The following SULT1A2 variants were observed in gnomAD, a reference collection of about 807,000 sequenced individuals.
The protein encoded by SULT1A2 is sulfotransferase 1A2.
SULT1A2 carries 33 observed loss-of-function variants against 36.0 expected under a neutral mutation model. The ratio of observed to expected loss-of-function variants is 0.92; its 90% CI spans 0.69 to 1.22. The LOEUF (loss-of-function observed/expected upper bound fraction) is 1.22, where lower values mean the gene tolerates loss of function less well. SULT1A2 is among the 50% of genes most tolerant of loss of function. The pLI is 0.00. For synonymous variants in SULT1A2, 138 were observed against 144.5 expected, an observed-to-expected ratio of 0.96 and a Z score of 0.32; for missense variants, 367 against 383.2, an observed-to-expected ratio of 0.96 and a Z score of 0.35.
rs199684636 is a variant in SULT1A2, at chr16:28,593,387, G to A, written c.500-41C>T. 4.5e-5 allele frequency: 72 copies of A among 1,614,094 alleles called. No individual in the cohort carries two copies. The Admixed American group carries it at 1.0e-3, about 23-fold the overall frequency. ...GGGAGTGCCGACACAGGGTTGCTGT[G>A]CGTTGTAGCCACCACCCCTTAGCTC... is the stretch of plus-strand genomic sequence containing the variant. On this transcript the variant is annotated intron_variant, in intron 5 of 7. Coordinates refer to ENST00000335715, the MANE Select transcript of SULT1A2 (RefSeq NM_001054.4).
chr16:28,594,222 C>T (rs964133319), intron 4 of SULT1A2, among the ~76,000 whole-genome samples: 4 of 151,630 alleles, frequency 2.6e-5, no homozygotes, highest in Non-Finnish European at 5.9e-5. Flanking sequence ...CTCACTGCAA[C>T]GTTGACCTCC....
chr16:28,594,446 T>A (rs1264018831), intron 4 of SULT1A2, among the ~76,000 whole-genome samples: 3 of 152,114 alleles, frequency 2.0e-5, no homozygotes, highest in African/African-American at 7.2e-5. Context: ...TGGCAAACCT[T>A]TTAAAATATT....
At position 28,595,087 on chromosome 16, in the gene SULT1A2, CTCTT is replaced by C. The variant is rs560478080; in HGVS notation, c.372+276_372+279del. On this transcript the variant is annotated intron_variant, in intron 4 of 7. Coordinates refer to ENST00000335715, the MANE Select transcript of SULT1A2 (RefSeq NM_001054.4). Reference sequence around the variant, plus strand: ...TGTGAGCCACCGCACTGGTGGGACACTCTTTCTATTCATCGTTTTTTGAGACAGT... The same window carrying C: ...TGTGAGCCACCGCACTGGTGGGACACTCTATTCATCGTTTTTTGAGACAGT... Among the ~76,000 whole-genome samples the C allele has an allele frequency of 1.7e-3, 258 of 152,108 alleles. 5 individuals carry two copies. In the South Asian group the frequency reaches 0.029, roughly 17 times the overall value.
In SULT1A2 at chr16:28,596,994, CA is replaced by C; in HGVS notation, c.-5+2del. 1.6e-6 allele frequency: 2 copies of C among 1,273,990 alleles called. No individual in the cohort carries two copies. Among genetic ancestry groups the C allele is most frequent in the South Asian group, 2.5e-5 (2 of 79,250 alleles). 78.9% of individuals were successfully genotyped at this position (1,273,990 alleles called of 1,614,324 possible). A position where few individuals can be genotyped will look rare whatever the true frequency, so the allele number is the denominator to read the frequency against. Reference sequence around the variant, plus strand: ...TCCTGGGCCATTCCGGTGTGTCACTCACCTGAGCTCTTGGGAACCTGGCCTT... The same window carrying C: ...TCCTGGGCCATTCCGGTGTGTCACTCCCTGAGCTCTTGGGAACCTGGCCTT... On this transcript the variant is annotated splice_donor_variant, in intron 1 of 7. Transcript: ENST00000335715. LOFTEE classifies it low-confidence loss of function (5UTR_SPLICE).
intron 1 of SULT1A2, chr16:28,596,417 C>T: frequency 1.0e-6 from 1 of 972,034 alleles, no homozygotes; most frequent in African/African-American, 1.8e-5. Flanking sequence ...TGTGGCAACT[C>T]CTAGGCTGGC....
chr16:28,593,599 C>A (rs762612105), intron 4 of SULT1A2, 31 bp from the exon 5 acceptor site: 4 of 1,613,202 alleles, frequency 2.5e-6, no homozygotes, highest in Non-Finnish European at 2.5e-6. Flanking sequence ...ACCCCAGCAC[C>A]ATCACCACAC....
At position 28,595,434 on chromosome 16, in the gene SULT1A2, G is replaced by A. The variant is rs765803761; in HGVS notation, c.305C>T (p.Pro102Leu). Reference protein sequence around the residue: ...GMETLKNTPAPRLLKTHLPLA... With the variant: ...GMETLKNTPALRLLKTHLPLA... ...GGGCAGGTGTGTCTTCAGGAGTCGT[G>A]GGGCTGGTGTGTTTTTCAGAGTCTC... is the stretch of plus-strand genomic sequence containing the variant. Residue 102 changes from proline to leucine, a missense_variant, in exon 4 of 8, where the codon CCA becomes CTA. Physicochemically the swap from Pro to Leu is moderately conservative, Grantham distance 98 (BLOSUM62 -3). Transcript: ENST00000335715. 1 of 1,614,052 alleles carries A rather than the reference G, an allele frequency of 6.2e-7. No individual in the cohort carries two copies. Among genetic ancestry groups the A allele is most frequent in the South Asian group, 1.1e-5 (1 of 91,072 alleles).
rs150564961 is a variant in SULT1A2, at chr16:28,592,570, C to T, written c.595-127G>A. Reference sequence around the variant, plus strand: ...TTCAAAACCCATAGAGCCAGCTCCTCGACCCCTGGGACCCCAGTCCCTGGG... The same window carrying T: ...TTCAAAACCCATAGAGCCAGCTCCTTGACCCCTGGGACCCCAGTCCCTGGG... On this transcript the variant is annotated intron_variant, in intron 6 of 7. Coordinates refer to ENST00000335715, the MANE Select transcript of SULT1A2 (RefSeq NM_001054.4). 2.4e-3 allele frequency: 3,713 copies of T among 1,539,998 alleles called. 70 individuals are homozygous for T. The African/African-American group carries it at 0.041, about 17-fold the overall frequency.
intron 2 of SULT1A2, 28 bp from the exon 3 acceptor site, chr16:28,595,703 G>C: frequency 6.2e-7 from 1 of 1,613,562 alleles, no homozygotes; most frequent in Non-Finnish European, 8.5e-7. Context: ...TGGGAGGTGA[G>C]CAGGCTGAGG....
intron 1 of SULT1A2, 139 bp from the exon 2 acceptor site, chr16:28,596,073 C>A: frequency 6.5e-7 from 1 of 1,544,036 alleles, no homozygotes; most frequent in Non-Finnish European, 8.7e-7. Context: ...CAGTCAGTGG[C>A]GGGGCTGGGG....
chr16:28,596,892 C>A, intron 1 of SULT1A2, 105 bp downstream of exon 1: 2 of 796,454 alleles, frequency 2.5e-6, no homozygotes, highest in Non-Finnish European at 1.7e-6. Context: ...AATGGGATAT[C>A]CATGGGGAGA....
chr16:28,594,807 T>G (rs2151664694), intron 4 of SULT1A2, among the ~76,000 whole-genome samples: 1 of 106,158 alleles, frequency 9.4e-6, no homozygotes, highest in African/African-American at 3.6e-5. Flanking sequence ...TGAGACAGAG[T>G]TTTGCTCTTG....
rs8052446 is a variant in SULT1A2 at position 28,596,359 on chromosome 16, G to C, written c.-4-425C>G. ...TGGGACCCCCAGCCTCCACCCAGTAGGCTCCTCTCCCCGATGTTCCCCTCC... is the reference window on the plus strand; with the variant it reads ...TGGGACCCCCAGCCTCCACCCAGTACGCTCCTCTCCCCGATGTTCCCCTCC... On this transcript the variant is annotated intron_variant, in intron 1 of 7. Coordinates refer to ENST00000335715, the MANE Select transcript of SULT1A2 (RefSeq NM_001054.4). 1.4e-3 allele frequency: 1,563 copies of C among 1,129,030 alleles called. 7 individuals carry two copies. The African/African-American group carries it at 0.015, about 11-fold the overall frequency. The allele number at this position is 1,129,030 out of a possible 1,614,324, so 69.9% of individuals were successfully genotyped here.
At position 28,593,272 on chromosome 16, in the gene SULT1A2, AGAG is replaced by A. The variant is rs777355250; in HGVS notation, c.571_573del (p.Leu191del). On this transcript the variant is annotated inframe_deletion, in exon 6 of 8. Transcript: ENST00000335715. ...CTCACCTCCTTCATGTCTTCATAGA[AGAG>A]GTAGAGAACAGGGTGGGTGCGGCTC... is the stretch of plus-strand genomic sequence containing the variant. The A allele has an allele frequency of 6.2e-7, 1 of 1,613,950 alleles. No homozygotes were observed.
At chr16:28,592,223 C>A (rs748335521) in intron 7 of SULT1A2, 40 bp downstream of exon 7, 1 of 1,613,922 alleles carries the variant, frequency 6.2e-7, no homozygotes, top group South Asian at 1.1e-5. Flanking sequence ...CCAGCTGCTG[C>A]TCCCACCTGC....
intron 6 of SULT1A2, 112 bp from the exon 7 acceptor site, chr16:28,592,555 A>G (rs1166865324): frequency 8.3e-6 from 13 of 1,568,958 alleles, no homozygotes; most frequent in African/African-American, 5.4e-5. Flanking sequence ...TTCAAAACCC[A>G]TAGAGCCAGC....
Position 28,591,951 on chromosome 16 carries a change from A to G in SULT1A2, c.*77T>C. ...GGAATAGAGACTCTGCATTGAACAC[A>G]AATCATACTTTATTCTGGAGCCTCT... is the stretch of plus-strand genomic sequence containing the variant. On this transcript the variant is annotated 3_prime_UTR_variant, in exon 8 of 8. Coordinates refer to ENST00000335715, the MANE Select transcript of SULT1A2 (RefSeq NM_001054.4). The G allele has an allele frequency of 1.2e-6, 2 of 1,608,268 alleles. No homozygotes were observed. The highest frequency in any genetic ancestry group is 2.2e-5 in the East Asian group (1 of 44,790).
rs141581853 is a variant in SULT1A2, at chr16:28,592,400, C to T, written c.638G>A (p.Arg213His). Residue 213 changes from arginine (R) to histidine (H), a missense_variant, in exon 7 of 8, where the codon CGC becomes CAC. Physicochemically the swap from Arg to His is conservative, Grantham distance 29. Coordinates refer to ENST00000335715, the MANE Select transcript of SULT1A2 (RefSeq NM_001054.4). Reference protein sequence around the residue: ...EIQKILEFVGRSLPEETVDLM... With the variant: ...EIQKILEFVGHSLPEETVDLM... Reference sequence around the variant, plus strand: ...GTCCACAGTCTCCTCTGGCAGGGAGCGCCCCACAAACTCCAGGATCTTTTG... The same window carrying T: ...GTCCACAGTCTCCTCTGGCAGGGAGTGCCCCACAAACTCCAGGATCTTTTG... The T allele has an allele frequency of 4.5e-5, 73 of 1,610,762 alleles. No homozygotes were observed. Among genetic ancestry groups the T allele is most frequent in the Middle Eastern group, 1.6e-4 (1 of 6,072 alleles).
chr16:28,592,605 A>C, intron 6 of SULT1A2, 162 bp from the exon 7 acceptor site: 1 of 1,317,058 alleles, frequency 7.6e-7, no homozygotes, highest in Non-Finnish European at 1.0e-6. Context: ...GGCAAAATGA[A>C]TTGCTGTCTG....
Sources: allele counts gnomAD v4.1 joint callset (sites outside exome capture counted in the v4.1 genomes callset), GRCh38; gene constraint gnomAD v4.1.1; transcripts MANE v1.5; gene names NCBI Gene and HGNC (gene_info 2026-07-23, HGNC 2026-07-21).